The following ASTL variants were observed in gnomAD, a reference collection of about 807,000 sequenced individuals.
The protein encoded by ASTL is astacin like metalloendopeptidase, also known as astacin-like metalloendopeptidase.
In ASTL, 27 loss-of-function variants were observed where a neutral mutation model predicts 36.7. The ratio of observed to expected loss-of-function variants is 0.73; its 90% CI spans 0.54 to 1.01. ASTL has a LOEUF of 1.01. ASTL is among the 50% of genes least tolerant of loss of function. The pLI is 0.00. For synonymous variants in ASTL, 222 were observed against 228.1 expected (o/e 0.97, Z 0.24); for missense variants, 524 against 572.8 (o/e 0.91, Z 0.87).
intron 8 of ASTL, 91 bp downstream of exon 8, chr2:96,129,733 A>C: frequency 2.3e-6 from 3 of 1,290,824 alleles, no homozygotes; most frequent in Non-Finnish European, 2.1e-6. Context: ...TCCCCCTGCA[A>C]CCTCATCTCC....
At chr2:96,127,614 C>T (rs1327873648) in intron 8 of ASTL, among the ~76,000 whole-genome samples, 2 of 152,124 alleles carry the variant, frequency 1.3e-5, no homozygotes, top group African/African-American at 4.8e-5. Context: ...GGCTCTGTTA[C>T]CCAGACTGGA....
intron 3 of ASTL, among the ~76,000 whole-genome samples, chr2:96,135,009 C>A (rs1264203033): frequency 6.6e-6 from 1 of 152,222 alleles, no homozygotes; most frequent in African/African-American, 2.4e-5. Context: ...GGCCACTCTG[C>A]CAACCCTTGC....
At position 96,130,164 on chromosome 2, in the gene ASTL, T is replaced by C. The variant is rs745570881; in HGVS notation, c.638-19A>G. On this transcript the variant is annotated intron_variant, in intron 6 of 8. Coordinates refer to ENST00000342380, the MANE Select transcript of ASTL (RefSeq NM_001002036.4). ...TCAAAGCCTAAAAATACAAAAACAA[T>C]ACAACTTACTGATATATAAAGAGGG... 1.4e-5 allele frequency: 23 copies of C among 1,589,338 alleles called. No individual in the cohort carries two copies. The East Asian group carries it at 1.6e-4, about 11-fold the overall frequency.
chr2:96,133,531 G>A lies in ASTL; in HGVS notation c.349C>T (p.Arg117Cys), dbSNP rs201988093. 8.1e-6 allele frequency: 13 copies of A among 1,613,762 alleles called. No individual in the cohort carries two copies. Among genetic ancestry groups the A allele is most frequent in the East Asian group, 2.2e-5 (1 of 44,902 alleles). ...GCAAGAGCCTCCAGGATGACCTGGCGGCTGGGCTCATCTGGAAGACACCAC... is the reference window on the plus strand; with the variant it reads ...GCAAGAGCCTCCAGGATGACCTGGCAGCTGGGCTCATCTGGAAGACACCAC... ...LLSSKYDEPS[R>C]QVILEALAEF... The change falls in exon 5 of 9, where the codon CGC (arginine) becomes TGC (cysteine). Residue 117 changes from arginine (R) to cysteine (C), a missense_variant. Coordinates refer to ENST00000342380, the MANE Select transcript of ASTL (RefSeq NM_001002036.4).
At chr2:96,133,898 A>G in intron 4 of ASTL, 67 bp downstream of exon 4, 1 of 1,065,204 alleles carries the variant, frequency 9.4e-7, no homozygotes, top group Non-Finnish European at 1.5e-6. Context: ...AAAAGGGAAG[A>G]GAGGAACACC....
chr2:96,132,447 G>T lies in ASTL; in HGVS notation c.637+93C>A. The stretch of plus-strand genomic sequence containing the variant: ...GAAGCAGGCAGGTGATGGGGAGGAT[G>T]GATAGCCTCACCCATGGGGACCAGG... On this transcript the variant is annotated intron_variant, in intron 6 of 8. Transcript: ENST00000342380. This position sits in a 1 kb window ranked among gnomAD's most constrained non-coding sequence, Gnocchi z 5.4. The T allele has an allele frequency of 1.7e-6, 2 of 1,173,710 alleles. No homozygotes were observed. Among genetic ancestry groups the T allele is most frequent in the Non-Finnish European group, 2.4e-6 (2 of 839,286 alleles). The allele number at this position is 1,173,710 out of a possible 1,614,324, so 72.7% of individuals were successfully genotyped here. A position where few individuals can be genotyped will look rare whatever the true frequency, so the allele number is the denominator to read the frequency against.
intron 6 of ASTL, among the ~76,000 whole-genome samples, chr2:96,131,585 G>A (rs1305829417): frequency 1.3e-5 from 2 of 152,030 alleles, no homozygotes; most frequent in African/African-American, 2.4e-5. Context: ...CCCCAGCCTG[G>A]TCTGATTCAA....
chr2:96,133,949 C>G lies in ASTL; in HGVS notation c.337+16G>C. 6.4e-7 allele frequency: 1 copy of G among 1,560,746 alleles called. No individual in the cohort carries two copies. Among genetic ancestry groups the G allele is most frequent in the Non-Finnish European group, 8.8e-7 (1 of 1,131,430 alleles). On this transcript the variant is annotated intron_variant, in intron 4 of 8. Transcript: ENST00000342380. The stretch of plus-strand genomic sequence containing the variant: ...AAGGGGCTGAGGCAGGGAGGGAGCG[C>G]GCCATGCTCACTCACCGTACTTGCT...
At position 96,135,389 on chromosome 2, in the gene ASTL, C is replaced by T; in HGVS notation, c.205G>A (p.Glu69Lys). The T allele has an allele frequency of 6.2e-7, 1 of 1,614,200 alleles. No homozygotes were observed. Residue 69 changes from glutamate to lysine, a missense_variant, in exon 3 of 9, where the codon GAG becomes AAG. Transcript: ENST00000342380. ...TCCCCCTCGATGAGGAAGCTGCTCT[C>T]TGGGGTTTCTTCCAGGATGAGCCCT... ...NQGLILEETP[E>K]SSFLIEGDII...
chr2:96,135,493 C>T, intron 2 of ASTL, 81 bp from the exon 3 acceptor site: 1 of 1,239,836 alleles, frequency 8.1e-7, no homozygotes, highest in South Asian at 1.3e-5. Context: ...TCCCTACTTA[C>T]TTAAGTCTAT....
chr2:96,138,320 A>T (rs901079080), intron 1 of ASTL, 62 bp downstream of exon 1: 5 of 1,468,716 alleles, frequency 3.4e-6, no homozygotes, highest in Non-Finnish European at 4.7e-6. Flanking sequence ...ACAACCTTCT[A>T]GCCTCTCCCC....
At chr2:96,127,023 C>T (rs1197265283) in intron 8 of ASTL, among the ~76,000 whole-genome samples, 3 of 152,118 alleles carry the variant, frequency 2.0e-5, no homozygotes, top group Non-Finnish European at 4.4e-5. Context: ...CCCAAGTGTC[C>T]CTCAACTGGT....
At chr2:96,127,118 A>G (rs1353151286) in intron 8 of ASTL, among the ~76,000 whole-genome samples, 7 of 152,238 alleles carry the variant, frequency 4.6e-5, no homozygotes, top group South Asian at 2.1e-4. Flanking sequence ...CCTTGAAAAC[A>G]TTAAGAAGCC....
intron 5 of ASTL, 66 bp downstream of exon 5, chr2:96,133,359 G>C (rs546604511): frequency 4.4e-4 from 498 of 1,131,270 alleles, no homozygotes; most frequent in Admixed American, 1.3e-3. Flanking sequence ...TTTAGACAAT[G>C]GCCAAGTTAA....
At chr2:96,126,728 T>C (rs1015206516) in intron 8 of ASTL, among the ~76,000 whole-genome samples, 1 of 151,954 alleles carries the variant, frequency 6.6e-6, no homozygotes, top group Admixed American at 6.6e-5. Context: ...TGGTGGCACA[T>C]ACCTGTAGTC....
At position 96,138,427 on chromosome 2, in the gene ASTL, C is replaced by T. The variant is rs772176688; in HGVS notation, c.10G>A (p.Val4Ile). 27 of 1,610,388 alleles carry T rather than the reference C, an allele frequency of 1.7e-5. 2 individuals are homozygous for T. The highest frequency in any genetic ancestry group is 5.0e-5 in the Admixed American group (3 of 59,566). ...AGCACCCAAGGCCAGAGACCCCCTA[C>T]ACCCTCCATGGTAGAGCCCTGCTGC... is the stretch of plus-strand genomic sequence containing the variant. MEGVGGLWPWVLGL... is the reference protein window; with the variant it reads MEGIGGLWPWVLGL... The change falls in exon 1 of 9, where the codon GTA becomes ATA. Residue 4 changes from valine to isoleucine, a missense_variant. Transcript: ENST00000342380.
chr2:96,124,112 C>G lies in ASTL; in HGVS notation c.1034G>C (p.Gly345Ala). ...VPAGPGESPH[G>A]WESPALKKLS... ...CTTTTTCAGGGCAGGGGACTCCCAC[C>G]CATGTGGGCTCTCCCCAGGCCCTGC... The change falls in exon 9 of 9, where the codon GGG becomes GCG. Residue 345 changes from glycine (G) to alanine (A), a missense_variant. Coordinates refer to ENST00000342380, the MANE Select transcript of ASTL (RefSeq NM_001002036.4). This position sits in a 1 kb window ranked among gnomAD's most constrained non-coding sequence, Gnocchi z 4.1. 6.2e-7 allele frequency: 1 copy of G among 1,601,790 alleles called. No individual in the cohort carries two copies.
intron 4 of ASTL, 79 bp from the exon 5 acceptor site, chr2:96,133,621 T>C (rs1682232775): frequency 1.9e-6 from 2 of 1,038,672 alleles, no homozygotes; most frequent in Non-Finnish European, 1.5e-6. Context: ...AGCAGAGCTC[T>C]GAACTCACTC....
intron 8 of ASTL, among the ~76,000 whole-genome samples, chr2:96,126,593 C>T (rs1406520912): frequency 2.0e-5 from 3 of 152,172 alleles, no homozygotes; most frequent in Non-Finnish European, 4.4e-5. Flanking sequence ...CACAGTGGCT[C>T]ACACCTGTAA....
Sources: gnomAD v4.1 joint callset for allele counts (sites outside exome capture counted in the v4.1 genomes callset) on GRCh38, gnomAD v4.1.1 for gene constraint, Gnocchi (gnomAD v3.1) non-coding constraint, MANE v1.5 for transcripts, NCBI Gene and HGNC (gene_info 2026-07-23, HGNC 2026-07-21) for gene names.